The following MGAT4C variants were observed in gnomAD, a reference collection of about 807,000 sequenced individuals.
The protein encoded by MGAT4C is MGAT4 family member C, also known as alpha-1,3-mannosyl-glycoprotein 4-beta-N-acetylglucosaminyltransferase C.
A neutral mutation model predicts 40.1 loss-of-function variants in MGAT4C; 19 were observed. The ratio of observed to expected loss-of-function variants is 0.47; its 90% CI spans 0.33 to 0.70. The LOEUF (loss-of-function observed/expected upper bound fraction) is 0.70. Among genes scored for constraint, MGAT4C ranks in the 30% least tolerant of loss-of-function variants. The pLI is 0.02. For synonymous variants in MGAT4C, 181 were observed against 187.1 expected, an observed-to-expected ratio of 0.97 and a Z score of 0.27; for missense variants, 491 against 563.2, an observed-to-expected ratio of 0.87 and a Z score of 1.30.
intron 1 of MGAT4C, among the ~76,000 whole-genome samples, chr12:86,054,188 A>G (rs1364014544): frequency 6.6e-6 from 1 of 152,088 alleles, no homozygotes; most frequent in Non-Finnish European, 1.5e-5. Context: ...TATGGAGTCA[A>G]CCCAAGTGTC....
At chr12:86,750,517 C>G (rs1951218240) in intron 1 of MGAT4C, among the ~76,000 whole-genome samples, 1 of 151,800 alleles carries the variant, frequency 6.6e-6, no homozygotes, top group South Asian at 2.1e-4. Context: ...CACAACAAAA[C>G]AAACTTGTCC....
Position 86,050,355 on chromosome 12 carries a change from C to T in MGAT4C, c.-56-632G>A, listed in dbSNP as rs1057004232. 5.9e-5 allele frequency among the ~76,000 whole-genome samples: 9 copies of T among 151,952 alleles called. No individual in the cohort carries two copies. The East Asian group carries it at 1.4e-3, about 23-fold the overall frequency. ...GTGAAGGTATAAAACAATAAATAAG[C>T]GAATAAAATTCTCTAAAGATAACAT... On this transcript the variant is annotated intron_variant, in intron 1 of 4. Transcript: ENST00000611864.
intron 2 of MGAT4C, among the ~76,000 whole-genome samples, chr12:86,632,020 AGTG>A (rs1963062311): frequency 6.6e-6 from 1 of 152,102 alleles, no homozygotes; most frequent in African/African-American, 2.4e-5. Flanking sequence ...ACAAAGGGCT[AGTG>A]TCCAGAATCT....
chr12:86,803,430 T>G (rs768566215), intron 1 of MGAT4C, among the ~76,000 whole-genome samples: 3,012 of 151,844 alleles, frequency 0.02, 33 homozygotes, highest in Non-Finnish European at 0.03. Flanking sequence ...CTAATTAAAC[T>G]AAAGAGCTTC....
chr12:86,578,773 G>A lies in MGAT4C; in HGVS notation c.-228-143508C>T, dbSNP rs140054784. Among the ~76,000 whole-genome samples the A allele has an allele frequency of 9.8e-3, 1,490 of 151,362 alleles. 83 individuals are homozygous for A. The highest frequency in any genetic ancestry group is 2.8e-3 in the Non-Finnish European group (190 of 67,670). ...TTGTTTTTTCTTAATCTGGCTAAAC[G>A]TTTGTCAATTTTGTTTAAATTTTCA... On this transcript the variant is annotated intron_variant, in intron 2 of 7. Coordinates refer to the MGAT4C transcript ENST00000548651.
chr12:86,342,795 A>G (rs569219731), intron 3 of MGAT4C, among the ~76,000 whole-genome samples: 10 of 152,250 alleles, frequency 6.6e-5, no homozygotes, highest in African/African-American at 2.2e-4. Flanking sequence ...GTCAGCCTCA[A>G]TAAATATTTG....
chr12:86,461,153 T>G (rs2136295478), intron 2 of MGAT4C, among the ~76,000 whole-genome samples: 1 of 152,186 alleles, frequency 6.6e-6, no homozygotes, highest in East Asian at 1.9e-4. Context: ...ATACCTACTT[T>G]ATATATTTTT....
At chr12:86,143,690 T>C (rs1181158908) in intron 1 of MGAT4C, among the ~76,000 whole-genome samples, 1 of 152,170 alleles carries the variant, frequency 6.6e-6, no homozygotes, top group Non-Finnish European at 1.5e-5. Context: ...GAAAAACCAA[T>C]GCAGGATATT....
chr12:86,648,790 A>T (rs1448016718), intron 2 of MGAT4C, among the ~76,000 whole-genome samples: 1 of 151,934 alleles, frequency 6.6e-6, no homozygotes, highest in East Asian at 1.9e-4. Context: ...ATTGTAGTGT[A>T]CAAGGTAAAT....
rs532429677 is a variant in MGAT4C, at chr12:85,977,964, A to G, written c.*1325T>C. On this transcript the variant is annotated 3_prime_UTR_variant, in exon 5 of 5. Coordinates refer to ENST00000611864, the MANE Select transcript of MGAT4C (RefSeq NM_001351288.2). Reference sequence around the variant, plus strand: ...AAAAAGGAAGAGACAAGCTCAGGACATTCTGAAAACCAATGTCTTTAGGAC... The same window carrying G: ...AAAAAGGAAGAGACAAGCTCAGGACGTTCTGAAAACCAATGTCTTTAGGAC... 2 of 151,510 alleles carry G rather than the reference A, an allele frequency of 1.3e-5. No individual in the cohort carries two copies. Among genetic ancestry groups the G allele is most frequent in the African/African-American group, 4.8e-5 (2 of 41,512 alleles). The allele number at this position is 151,510 out of a possible 1,614,324, so 9.4% of individuals were successfully genotyped here.
chr12:86,684,546 C>T (rs1950037835), intron 2 of MGAT4C, among the ~76,000 whole-genome samples: 1 of 152,150 alleles, frequency 6.6e-6, no homozygotes, highest in African/African-American at 2.4e-5. Flanking sequence ...GGTATATACC[C>T]AGTAATGGGA....
chr12:86,287,203 C>A (rs1335079161), intron 4 of MGAT4C, among the ~76,000 whole-genome samples: 1 of 152,076 alleles, frequency 6.6e-6, no homozygotes, highest in Non-Finnish European at 1.5e-5. Flanking sequence ...TCCCACCCTA[C>A]ACACACCAGG....
chr12:85,981,254 C>G (rs1187046217), intron 4 of MGAT4C, among the ~76,000 whole-genome samples: 1 of 152,062 alleles, frequency 6.6e-6, no homozygotes, highest in Non-Finnish European at 1.5e-5. Context: ...GAAAAGACAG[C>G]TCACCTCTGA....
intron 2 of MGAT4C, among the ~76,000 whole-genome samples, chr12:86,012,666 C>T (rs1017985389): frequency 1.3e-5 from 2 of 151,704 alleles, no homozygotes; most frequent in South Asian, 4.2e-4. Flanking sequence ...GCAGGAGAAT[C>T]GCTTGAACCC....
At chr12:86,428,575 A>G (rs567773131) in intron 3 of MGAT4C, among the ~76,000 whole-genome samples, 1 of 152,332 alleles carries the variant, frequency 6.6e-6, no homozygotes, top group Non-Finnish European at 1.5e-5. Flanking sequence ...AATTTTTGAT[A>G]GAATTCAGCT....
At chr12:86,615,033 G>GA (rs922619787) in intron 2 of MGAT4C, among the ~76,000 whole-genome samples, 3 of 151,600 alleles carry the variant, frequency 2.0e-5, no homozygotes, top group Admixed American at 6.6e-5. Flanking sequence ...TATCTAAAAA[G>GA]AAAAAAACAA....
chr12:86,748,122 C>T (rs868551777), intron 1 of MGAT4C, among the ~76,000 whole-genome samples: 4 of 151,566 alleles, frequency 2.6e-5, no homozygotes, highest in Middle Eastern at 3.4e-3. Context: ...TTCCTTTGAC[C>T]AAGCCATGTG....
chr12:86,660,185 AG>A (rs901001947), intron 2 of MGAT4C, among the ~76,000 whole-genome samples: 1 of 152,166 alleles, frequency 6.6e-6, no homozygotes, highest in Admixed American at 6.6e-5. Flanking sequence ...GTGAAAAGGG[AG>A]TGTAATACTT....
At chr12:86,147,247 T>TC (rs1032865124) in intron 1 of MGAT4C, among the ~76,000 whole-genome samples, 3 of 130,250 alleles carry the variant, frequency 2.3e-5, no homozygotes, top group Non-Finnish European at 5.3e-5. Flanking sequence ...ATTTATTAAA[T>TC]TTTTTTTTTT....
Sources: allele counts gnomAD v4.1 joint callset (sites outside exome capture counted in the v4.1 genomes callset), GRCh38; gene constraint gnomAD v4.1.1; transcripts MANE v1.5; gene names NCBI Gene and HGNC (gene_info 2026-07-23, HGNC 2026-07-21).